The following GLYAT variants were observed in gnomAD, a reference collection of about 807,000 sequenced individuals.
GLYAT encodes glycine N-acyltransferase.
In GLYAT, 25 loss-of-function variants were observed where a neutral mutation model predicts 22.8. The observed-to-expected ratio is 1.09, with a 90% CI of 0.80 to 1.53. The LOEUF (loss-of-function observed/expected upper bound fraction) is 1.53, where lower values mean the gene tolerates loss of function less well. Among genes scored for constraint, GLYAT ranks in the 40% most tolerant of loss-of-function variants. The pLI, the probability that GLYAT is intolerant of heterozygous loss-of-function variation, is 0.00. For synonymous variants in GLYAT, 140 were observed against 122.7 expected, an observed-to-expected ratio of 1.14 and a Z score of -0.93; for missense variants, 411 against 353.9, an observed-to-expected ratio of 1.16 and a Z score of -1.29.
rs1160866300 is a variant in GLYAT, at chr11:58,724,515, G to GA, written c.-15-5dup. The stretch of plus-strand genomic sequence containing the variant: ...ACATCATGGAGGATACCTTAGCCTA[G>GA]AAAGACAACCAAGGAACATACAGGA... On this transcript the variant is annotated splice_region_variant and splice_polypyrimidine_tract_variant and intron_variant, in intron 1 of 5. Coordinates refer to ENST00000344743, the MANE Select transcript of GLYAT (RefSeq NM_201648.3). 2 of 1,501,416 alleles carry GA rather than the reference G, an allele frequency of 1.3e-6. No homozygotes were observed. Among genetic ancestry groups the GA allele is most frequent in the South Asian group, 2.3e-5 (2 of 86,120 alleles). The allele number at this position is 1,501,416 out of a possible 1,614,324, so 93.0% of individuals were successfully genotyped here.
In GLYAT at chr11:58,731,885, C is replaced by G. The variant is rs1269409681; in HGVS notation, c.-66G>C. The stretch of plus-strand genomic sequence containing the variant: ...TTCCGGGAAGAAACGATGAGCAACA[C>G]CCTTCTGGGAGATGAAATTTCTCCC... On this transcript the variant is annotated 5_prime_UTR_variant, in exon 1 of 6. Coordinates refer to ENST00000344743, the MANE Select transcript of GLYAT (RefSeq NM_201648.3). 1 of 152,142 alleles carries G rather than the reference C, an allele frequency of 6.6e-6. No homozygotes were observed. Among genetic ancestry groups the G allele is most frequent in the Non-Finnish European group, 1.5e-5 (1 of 68,024 alleles). The allele number at this position is 152,142 out of a possible 1,614,324, so 9.4% of individuals were successfully genotyped here.
chr11:58,713,007 A>G, intron 3 of GLYAT, 121 bp from the exon 4 acceptor site: 1 of 609,598 alleles, frequency 1.6e-6, no homozygotes, highest in Non-Finnish European at 2.7e-6. Flanking sequence ...TATCACAATT[A>G]TTTCTTTTTT....
intron 4 of GLYAT, 110 bp downstream of exon 4, chr11:58,712,650 A>G: frequency 1.1e-6 from 1 of 946,554 alleles, no homozygotes; most frequent in Non-Finnish European, 1.7e-6. Context: ...CAGTAACAAA[A>G]TTGACAGCAG....
At chr11:58,713,969 T>C (rs752557531) in intron 3 of GLYAT, among the ~76,000 whole-genome samples, 1 of 152,172 alleles carries the variant, frequency 6.6e-6, no homozygotes, top group African/African-American at 2.4e-5. Context: ...TATGTATACA[T>C]TTTGAAATGG....
intron 1 of GLYAT, among the ~76,000 whole-genome samples, chr11:58,730,426 T>A (rs780139505): frequency 6.6e-6 from 1 of 152,178 alleles, no homozygotes; most frequent in Non-Finnish European, 1.5e-5. Context: ...AATTTGCTGT[T>A]TTGTGTAAGC....
chr11:58,716,056 T>C (rs1856675768), intron 2 of GLYAT, among the ~76,000 whole-genome samples: 1 of 152,180 alleles, frequency 6.6e-6, no homozygotes, highest in Non-Finnish European at 1.5e-5. Flanking sequence ...TATAGCCTAT[T>C]GCTCAAGAGA....
At chr11:58,719,164 A>C (rs1856719179) in intron 2 of GLYAT, among the ~76,000 whole-genome samples, 1 of 152,042 alleles carries the variant, frequency 6.6e-6, no homozygotes, top group Admixed American at 6.6e-5. Flanking sequence ...ACTTGAAATT[A>C]CAAAATAGGA....
chr11:58,713,540 C>T (rs1208314888), intron 3 of GLYAT, among the ~76,000 whole-genome samples: 1 of 152,004 alleles, frequency 6.6e-6, no homozygotes, highest in Non-Finnish European at 1.5e-5. Flanking sequence ...GATATTGATA[C>T]CAAAGAAGAT....
At chr11:58,721,128 A>G (rs1455258838) in intron 2 of GLYAT, among the ~76,000 whole-genome samples, 1 of 151,952 alleles carries the variant, frequency 6.6e-6, no homozygotes, top group Non-Finnish European at 1.5e-5. Context: ...AGTACATTTT[A>G]TAGATTTATA....
At chr11:58,727,329 T>A (rs1856821179) in intron 1 of GLYAT, among the ~76,000 whole-genome samples, 1 of 152,100 alleles carries the variant, frequency 6.6e-6, no homozygotes, top group Non-Finnish European at 1.5e-5. Context: ...AGGAAGTGTG[T>A]GTTTAAGAAG....
chr11:58,715,920 T>C (rs948784031), intron 2 of GLYAT, among the ~76,000 whole-genome samples: 1 of 152,186 alleles, frequency 6.6e-6, no homozygotes, highest in East Asian at 1.9e-4. Context: ...GTACCTACCA[T>C]TTTCTTACAA....
chr11:58,715,370 A>G lies in GLYAT; in HGVS notation c.135T>C (p.Ala45=). ...INHGNPFNLK[A]VVDKWPDFNT... ...TAAAATCAGGCCACTTGTCCACCAC[A>G]GCCTTCAGATTGAATGGATTTCCAT... Residue 45 remains alanine, a synonymous_variant, in exon 3 of 6, where the codon GCT becomes GCC. Transcript: ENST00000344743. 6.2e-7 allele frequency: 1 copy of G among 1,604,624 alleles called. No homozygotes were observed. Among genetic ancestry groups the G allele is most frequent in the Middle Eastern group, 1.7e-4 (1 of 6,024 alleles).
In GLYAT at chr11:58,715,238, G is replaced by T. The variant is rs933991771; in HGVS notation, c.189+78C>A. The T allele has an allele frequency of 5.7e-6, 4 of 707,464 alleles. No individual in the cohort carries two copies. The African/African-American group carries it at 7.1e-5, about 13-fold the overall frequency. 43.8% of individuals were successfully genotyped at this position (707,464 alleles called of 1,614,324 possible). Reference sequence around the variant, plus strand: ...CTATGATTTACTTCTGCATGCCCTGGCTCTACCATATTGCTAAGAATGTAA... The same window carrying T: ...CTATGATTTACTTCTGCATGCCCTGTCTCTACCATATTGCTAAGAATGTAA... On this transcript the variant is annotated intron_variant, in intron 3 of 5. Transcript: ENST00000344743.
chr11:58,718,485 GT>G (rs1037386634), intron 2 of GLYAT, among the ~76,000 whole-genome samples: 5 of 151,974 alleles, frequency 3.3e-5, no homozygotes, highest in Non-Finnish European at 5.9e-5. Flanking sequence ...AGTCCTGAAA[GT>G]TTTTTCTCTA....
intron 2 of GLYAT, among the ~76,000 whole-genome samples, chr11:58,723,073 C>T (rs943114230): frequency 1.3e-5 from 2 of 152,026 alleles, no homozygotes; most frequent in Admixed American, 1.3e-4. Flanking sequence ...AGAGTTTTCT[C>T]AAAATGTTTA....
chr11:58,712,198 C>G (rs1392090737), intron 4 of GLYAT, among the ~76,000 whole-genome samples: 6 of 152,208 alleles, frequency 3.9e-5, no homozygotes, highest in African/African-American at 1.4e-4. Context: ...AAGTATTATG[C>G]TAAGCACTTC....
rs1016080142 is a variant in GLYAT at position 58,726,486 on chromosome 11, G to T, written c.-15-1975C>A. 6.6e-5 allele frequency among the ~76,000 whole-genome samples: 10 copies of T among 152,138 alleles called. No individual in the cohort carries two copies. The East Asian group carries it at 1.9e-3, about 29-fold the overall frequency. On this transcript the variant is annotated intron_variant, in intron 1 of 5. Coordinates refer to ENST00000344743, the MANE Select transcript of GLYAT (RefSeq NM_201648.3). Reference sequence around the variant, plus strand: ...GCCTAGGGGTCCCCTGTAGAAGGGTGACTCTTGAGTATTGAGAAGACAATA... The same window carrying T: ...GCCTAGGGGTCCCCTGTAGAAGGGTTACTCTTGAGTATTGAGAAGACAATA...
chr11:58,730,625 T>G (rs927537162), intron 1 of GLYAT, among the ~76,000 whole-genome samples: 2 of 152,080 alleles, frequency 1.3e-5, no homozygotes, highest in African/African-American at 4.8e-5. Context: ...ATGCAGACCT[T>G]GTACTAAGTT....
chr11:58,723,748 T>G (rs1191466546), intron 2 of GLYAT, among the ~76,000 whole-genome samples: 3 of 152,004 alleles, frequency 2.0e-5, no homozygotes, highest in South Asian at 2.1e-4. Context: ...TCATTGGAAC[T>G]GCTCTTGCAT....
Sources: gnomAD v4.1 joint callset for allele counts (sites outside exome capture counted in the v4.1 genomes callset) on GRCh38, gnomAD v4.1.1 for gene constraint, MANE v1.5 for transcripts, NCBI Gene and HGNC (gene_info 2026-07-23, HGNC 2026-07-21) for gene names.